ESR1: variants seen among roughly 807,000 people sequenced by gnomAD.
ESR1 encodes estrogen receptor.
A neutral mutation model predicts 52.7 loss-of-function variants in ESR1; 12 were observed. That is an observed-to-expected ratio of 0.23 (90% CI 0.15 to 0.37). ESR1 has a LOEUF of 0.37. Ranked by LOEUF, ESR1 falls within the 10% of genes least tolerant of loss-of-function variation. The probability of loss-of-function intolerance (pLI) is 1.00; values close to 1 mark genes in which losing one functional copy is unlikely to be tolerated. For synonymous variants in ESR1, 305 were observed against 316.8 expected (o/e 0.96, Z 0.39); for missense variants, 584 against 779.7 (o/e 0.75, Z 2.99).
chr6:151,813,273 TTTATGTAG>T (rs1201640398), intron 1 of ESR1: 4 of 152,156 alleles, frequency 2.6e-5, no homozygotes, highest in African/African-American at 9.7e-5. Flanking sequence ...CTGACACAAT[TTTATGTAG>T]TTTAATAAAG....
At chr6:151,674,193 C>G (rs1674973403) in intron 1 of ESR1, among the ~76,000 whole-genome samples, 1 of 152,080 alleles carries the variant, frequency 6.6e-6, no homozygotes, top group African/African-American at 2.4e-5. Context: ...TCCCCCACCA[C>G]CCAACAGGCC....
At chr6:151,851,998 A>C (rs1205571302) in intron 2 of ESR1, among the ~76,000 whole-genome samples, 2 of 152,192 alleles carry the variant, frequency 1.3e-5, no homozygotes, top group Non-Finnish European at 2.9e-5. Flanking sequence ...GAATAGAATA[A>C]AGGATATTAT....
At chr6:151,673,554 T>A (rs1051767918) in intron 1 of ESR1, among the ~76,000 whole-genome samples, 13 of 152,114 alleles carry the variant, frequency 8.5e-5, no homozygotes, top group Non-Finnish European at 1.3e-4. Flanking sequence ...AGACTGTAGA[T>A]CTCAATCTTG....
At chr6:151,904,800 T>C (rs998170088) in intron 3 of ESR1, among the ~76,000 whole-genome samples, 2 of 152,206 alleles carry the variant, frequency 1.3e-5, no homozygotes, top group Non-Finnish European at 2.9e-5. Flanking sequence ...GTGGAATTGA[T>C]TCGTTTCACG....
At chr6:151,926,540 T>G (rs1008284008) in intron 3 of ESR1, among the ~76,000 whole-genome samples, 70 of 152,146 alleles carry the variant, frequency 4.6e-4, no homozygotes, top group African/African-American at 1.6e-3. Context: ...TTTTCATTGT[T>G]TTATAGATTT....
intron 2 of ESR1, among the ~76,000 whole-genome samples, chr6:151,785,962 C>T (rs918364462): frequency 2.6e-5 from 4 of 152,064 alleles, no homozygotes; most frequent in Admixed American, 6.6e-5. Flanking sequence ...AATCTTGGTG[C>T]GGTAAAGATC....
chr6:151,658,528 C>A (rs1460583949), intron 1 of ESR1, among the ~76,000 whole-genome samples: 1 of 152,188 alleles, frequency 6.6e-6, no homozygotes, highest in Non-Finnish European at 1.5e-5. Context: ...TTTATGGAGT[C>A]AATATCATCA....
exon 7 of ESR1, chr6:152,127,279 T>A (rs2053802703): frequency 6.6e-6 from 1 of 152,200 alleles, no homozygotes; most frequent in African/African-American, 2.4e-5. Flanking sequence ...CCTACATCTT[T>A]ACACCTCTAA....
chr6:151,801,554 G>C (rs922450933), upstream of ESR1, among the ~76,000 whole-genome samples: 1 of 152,208 alleles, frequency 6.6e-6, no homozygotes, highest in Non-Finnish European at 1.5e-5. Context: ...CTTTGTGAGA[G>C]TCAGGGTCTT....
chr6:151,925,821 T>G (rs892088552), intron 3 of ESR1, among the ~76,000 whole-genome samples: 1 of 152,124 alleles, frequency 6.6e-6, no homozygotes, highest in East Asian at 1.9e-4. Flanking sequence ...GCCCAATTTA[T>G]TAATTTTTTT....
chr6:151,850,069 T>TGC (rs1786202570), intron 2 of ESR1, among the ~76,000 whole-genome samples: 2 of 13,464 alleles, frequency 1.5e-4, no homozygotes, highest in East Asian at 3.9e-3. Flanking sequence ...ATTTTATATA[T>TGC]ATATAAAAAA....
chr6:151,982,086 A>C (rs2040042904), intron 4 of ESR1, among the ~76,000 whole-genome samples: 1 of 152,260 alleles, frequency 6.6e-6, no homozygotes, highest in African/African-American at 2.4e-5. Flanking sequence ...ATTCAATAAA[A>C]ACGTATACAT....
At chr6:151,675,499 C>G (rs1327941559) in intron 1 of ESR1, among the ~76,000 whole-genome samples, 6 of 151,970 alleles carry the variant, frequency 3.9e-5, no homozygotes, top group Non-Finnish European at 8.8e-5. Context: ...TCTTCCCCTC[C>G]TCCCCACCGT....
At chr6:151,791,167 G>C (rs756844533) in intron 2 of ESR1, among the ~76,000 whole-genome samples, 1 of 152,174 alleles carries the variant, frequency 6.6e-6, no homozygotes, top group Non-Finnish European at 1.5e-5. Flanking sequence ...TGGTGGATCT[G>C]TGGTTACAGG....
intron 1 of ESR1, among the ~76,000 whole-genome samples, chr6:151,828,492 C>T (rs2128208448): frequency 6.6e-6 from 1 of 152,168 alleles, no homozygotes; most frequent in South Asian, 2.1e-4. Flanking sequence ...AAACATGAGC[C>T]AAGGCATAAG....
At chr6:151,891,214 G>A (rs963716812) in intron 3 of ESR1, among the ~76,000 whole-genome samples, 1 of 152,070 alleles carries the variant, frequency 6.6e-6, no homozygotes, top group Admixed American at 6.5e-5. Context: ...GAAAACTGAG[G>A]TATCTTTATG....
rs1562474914 is a variant in ESR1 at position 151,850,109 on chromosome 6, C to CTATGCATAT, written c.643+7322_643+7323insTATGCATAT. ...ATATATATAATTTTATATATATATA[C>CTATGCATAT]AAAATTATATATATATGTCTGGTAC... is the stretch of plus-strand genomic sequence containing the variant. On this transcript the variant is annotated intron_variant, in intron 2 of 7. Coordinates refer to ENST00000206249, the MANE Select transcript of ESR1 (RefSeq NM_000125.4). Among the ~76,000 whole-genome samples the CTATGCATAT allele has an allele frequency of 1.5e-4, 6 of 40,904 alleles. 1 individual carries two copies. The highest frequency in any genetic ancestry group is 5.6e-4 in the African/African-American group (6 of 10,764). 26.8% of individuals were successfully genotyped at this position (40,904 alleles called of 152,430 possible).
intron 1 of ESR1, among the ~76,000 whole-genome samples, chr6:151,695,855 C>G (rs1779295710): frequency 6.6e-6 from 1 of 152,148 alleles, no homozygotes; most frequent in African/African-American, 2.4e-5. Context: ...GTTTTAGTAT[C>G]TTTCACCTTA....
upstream of ESR1, among the ~76,000 whole-genome samples, chr6:151,688,783 C>T (rs1778786220): frequency 6.6e-6 from 1 of 151,984 alleles, no homozygotes. Flanking sequence ...TTAAAGTATA[C>T]AGGAGGATGT....
Sources: allele counts gnomAD v4.1 joint callset (sites outside exome capture counted in the v4.1 genomes callset), GRCh38; gene constraint gnomAD v4.1.1; transcripts MANE v1.5; gene names NCBI Gene and HGNC (gene_info 2026-07-23, HGNC 2026-07-21).